Variants in HMBOX1 observed in about 807,000 individuals in gnomAD.
HMBOX1 encodes homeobox-containing protein 1.
In HMBOX1, 14 loss-of-function variants were observed where a neutral mutation model predicts 54.5. That is an observed-to-expected ratio of 0.26 (90% CI 0.17 to 0.40). The LOEUF is 0.40. Among genes scored for constraint, HMBOX1 ranks in the 10% least tolerant of loss-of-function variants. The probability of loss-of-function intolerance (pLI) is 1.00; values close to 1 mark genes in which losing one functional copy is unlikely to be tolerated. For synonymous variants in HMBOX1, 160 were observed against 181.0 expected (o/e 0.88, Z 0.93); for missense variants, 332 against 514.4 (o/e 0.65, Z 3.43).
rs1175273748 is a variant in HMBOX1, at chr8:28,970,009, A to G, written c.24-34A>G. 2 of 1,345,048 alleles carry G rather than the reference A, an allele frequency of 1.5e-6. No individual in the cohort carries two copies. Among genetic ancestry groups the G allele is most frequent in the Non-Finnish European group, 1.1e-6 (1 of 951,116 alleles). The allele number at this position is 1,345,048 out of a possible 1,614,324, so 83.3% of individuals were successfully genotyped here. A position where few individuals can be genotyped will look rare whatever the true frequency, so the allele number is the denominator to read the frequency against. On this transcript the variant is annotated intron_variant, in intron 2 of 9. Coordinates refer to ENST00000287701, the MANE Select transcript of HMBOX1 (RefSeq NM_001135726.3). The surrounding 1 kb of genome is among the most constrained non-coding windows in gnomAD (Gnocchi z 4.3). The stretch of plus-strand genomic sequence containing the variant: ...ATATGTGCTTTGGTAGATACTGTCA[A>G]TAAAGAGACTTCTTTTTATCTCTTT...
chr8:28,969,867 A>G (rs1258854252), intron 2 of HMBOX1, among the ~76,000 whole-genome samples, 176 bp from the exon 3 acceptor site: 1 of 152,300 alleles, frequency 6.6e-6, no homozygotes, highest in African/African-American at 2.4e-5. Context: ...CTACTAATAC[A>G]TTTAGTATCT....
At chr8:28,915,999 GT>G (rs1271490211) in intron 1 of HMBOX1, 1 of 152,138 alleles carries the variant, frequency 6.6e-6, no homozygotes, top group African/African-American at 2.4e-5. Flanking sequence ...CTTACAACAT[GT>G]CTTAATTCGG....
At chr8:29,044,419 A>G (rs1041860579) in intron 6 of HMBOX1, among the ~76,000 whole-genome samples, 6 of 152,178 alleles carry the variant, frequency 3.9e-5, no homozygotes, top group African/African-American at 1.4e-4. Flanking sequence ...CTGTTCCCAC[A>G]TGCAGTCTGA....
At chr8:29,050,670 T>A in intron 9 of HMBOX1, 2 of 237,506 alleles carry the variant, frequency 8.4e-6, no homozygotes, top group Non-Finnish European at 1.7e-5. Flanking sequence ...CAGTGATTAG[T>A]GCTATATTTG....
intron 5 of HMBOX1, among the ~76,000 whole-genome samples, chr8:29,017,127 A>T (rs1245244276): frequency 6.6e-6 from 1 of 152,142 alleles, no homozygotes; most frequent in African/African-American, 2.4e-5. Context: ...AAATGCTGGC[A>T]CCTGGGTGGA....
chr8:28,905,869 A>G (rs1814227801), intron 1 of HMBOX1, among the ~76,000 whole-genome samples: 1 of 152,198 alleles, frequency 6.6e-6, no homozygotes, highest in African/African-American at 2.4e-5. Context: ...TAAAATACTT[A>G]AACCCAGCAT....
At chr8:28,975,786 C>A (rs1351335269) in intron 3 of HMBOX1, among the ~76,000 whole-genome samples, 1 of 150,150 alleles carries the variant, frequency 6.7e-6, no homozygotes, top group Non-Finnish European at 1.5e-5. Context: ...GGGATTTATT[C>A]TTTTTAAGGA....
At chr8:28,909,774 T>G (rs186880594) in intron 1 of HMBOX1, among the ~76,000 whole-genome samples, 181 of 152,352 alleles carry the variant, frequency 1.2e-3, no homozygotes, top group Non-Finnish European at 2.0e-3. Flanking sequence ...AAAATTCATC[T>G]GTATTAAGTG....
chr8:29,034,301 A>G (rs1162832934), intron 6 of HMBOX1, among the ~76,000 whole-genome samples: 5 of 152,288 alleles, frequency 3.3e-5, no homozygotes, highest in South Asian at 2.1e-4. Flanking sequence ...CAAATATTCT[A>G]TTTAATTGGT....
intron 1 of HMBOX1, among the ~76,000 whole-genome samples, chr8:28,940,671 G>T (rs1460467596): frequency 6.6e-6 from 1 of 152,182 alleles, no homozygotes; most frequent in East Asian, 1.9e-4. Context: ...CAGGAGTTCT[G>T]GACCCTTGCA....
chr8:28,934,150 CA>C (rs1204220794), intron 1 of HMBOX1, among the ~76,000 whole-genome samples: 2 of 152,154 alleles, frequency 1.3e-5, no homozygotes, highest in East Asian at 3.9e-4. Context: ...GTTTGTATAT[CA>C]AAAAATGTAA....
At chr8:28,901,317 A>G (rs576851799) in intron 1 of HMBOX1, among the ~76,000 whole-genome samples, 2 of 152,148 alleles carry the variant, frequency 1.3e-5, no homozygotes, top group African/African-American at 4.8e-5. Flanking sequence ...ATTTCCCCTT[A>G]AAATTTTTTC....
At position 28,909,656 on chromosome 8, in the gene HMBOX1, C is replaced by T. The variant is rs996986396; in HGVS notation, c.-58+18978C>T. On this transcript the variant is annotated intron_variant, in intron 1 of 9. Transcript: ENST00000287701. ...TGCAAACAATCTACAGGTGCCTCGC[C>T]TGCTAAAGTGCTTAGTAGCCTTCTA... Among the ~76,000 whole-genome samples the T allele has an allele frequency of 5.3e-5, 8 of 152,058 alleles. No individual in the cohort carries two copies. The East Asian group carries it at 9.7e-4, about 18-fold the overall frequency.
Position 29,051,452 on chromosome 8 carries a change from T to C in HMBOX1, c.*297T>C. The C allele has an allele frequency of 1.5e-6, 1 of 687,376 alleles. No homozygotes were observed. Among genetic ancestry groups the C allele is most frequent in the Non-Finnish European group, 2.7e-6 (1 of 372,672 alleles). The allele number at this position is 687,376 out of a possible 1,614,324, so 42.6% of individuals were successfully genotyped here. ...CATTCCAAGAAAGTGCTTCCAGGTA[T>C]TTAGATAGCCCTCAGTTCTCAAATA... On this transcript the variant is annotated 3_prime_UTR_variant, in exon 10 of 10. Transcript: ENST00000287701.
Position 28,948,658 on chromosome 8 carries a change from T to G in HMBOX1, c.-57-15153T>G, listed in dbSNP as rs148537302. On this transcript the variant is annotated intron_variant, in intron 1 of 9. Coordinates refer to ENST00000287701, the MANE Select transcript of HMBOX1 (RefSeq NM_001135726.3). ...TTTTGCTTTTATTTATTGTGCAAAT[T>G]AGTGTAAGCACTAACCTGGGAATCA... 4.7e-3 allele frequency among the ~76,000 whole-genome samples: 721 copies of G among 152,316 alleles called. 20 individuals are homozygous for G. The highest frequency in any genetic ancestry group is 0.045 in the Admixed American group (683 of 15,298).
intron 3 of HMBOX1, among the ~76,000 whole-genome samples, chr8:28,978,623 C>T (rs536340418): frequency 7.6e-4 from 116 of 152,098 alleles, no homozygotes; most frequent in African/African-American, 2.6e-3. Context: ...CCCGACTCTA[C>T]TAAAAATGCA....
At chr8:28,987,412 G>C (rs1198933343) in intron 4 of HMBOX1, among the ~76,000 whole-genome samples, 1 of 152,126 alleles carries the variant, frequency 6.6e-6, no homozygotes, top group Non-Finnish European at 1.5e-5. Flanking sequence ...AAGAGGAAGT[G>C]ATACCCCAGT....
At chr8:28,913,528 A>G (rs1179925761) in intron 1 of HMBOX1, among the ~76,000 whole-genome samples, 2 of 152,134 alleles carry the variant, frequency 1.3e-5, no homozygotes, top group Admixed American at 6.5e-5. Context: ...TTAGGTTAGG[A>G]TATTTTCTTA....
chr8:28,890,159 CA>C (rs1488838086), upstream of HMBOX1: 2 of 498,096 alleles, frequency 4.0e-6, no homozygotes, highest in Non-Finnish European at 7.3e-6. Context: ...CTCTCCACCC[CA>C]GCATGATATC....
Sources: gnomAD v4.1 joint callset for allele counts (sites outside exome capture counted in the v4.1 genomes callset) on GRCh38, gnomAD v4.1.1 for gene constraint, Gnocchi (gnomAD v3.1) non-coding constraint, MANE v1.5 for transcripts, NCBI Gene and HGNC (gene_info 2026-07-23, HGNC 2026-07-21) for gene names.